The following PCDH7 variants were observed in gnomAD, a reference collection of about 807,000 sequenced individuals.
PCDH7 encodes the protein protocadherin 7.
A neutral mutation model predicts 58.9 loss-of-function variants in PCDH7; 17 were observed. The ratio of observed to expected loss-of-function variants is 0.29; its 90% confidence interval spans 0.20 to 0.43. PCDH7 has a LOEUF of 0.43. Among genes scored for constraint, PCDH7 ranks in the 20% least tolerant of loss-of-function variants. The pLI is 1.00. For missense variants in PCDH7, 1,274 were observed against 1,441.0 expected (o/e 0.88, Z 1.88); for synonymous variants, 664 against 616.4 (o/e 1.08, Z -1.14).
intron 1 of PCDH7, among the ~76,000 whole-genome samples, chr4:30,778,069 G>T (rs78177690): frequency 6.6e-6 from 1 of 151,840 alleles, no homozygotes; most frequent in Non-Finnish European, 1.5e-5. Context: ...TTTATTTCCA[G>T]TCCAAGATGC....
chr4:31,104,691 C>T (rs567222925), intron 3 of PCDH7, among the ~76,000 whole-genome samples: 1 of 152,206 alleles, frequency 6.6e-6, no homozygotes, highest in Admixed American at 6.5e-5. Flanking sequence ...CTAAGAGCGA[C>T]GTGGTCTACA....
intron 1 of PCDH7, among the ~76,000 whole-genome samples, chr4:30,912,992 T>C (rs1012353408): frequency 3.3e-5 from 5 of 151,420 alleles, no homozygotes; most frequent in African/African-American, 1.2e-4. Context: ...CCAGGATGGA[T>C]AAAAATAAAG....
intron 3 of PCDH7, among the ~76,000 whole-genome samples, chr4:31,137,129 T>C (rs1013465150): frequency 6.6e-6 from 1 of 152,232 alleles, no homozygotes; most frequent in African/African-American, 2.4e-5. Flanking sequence ...GTCCACCAAA[T>C]TTCACTAGCA....
chr4:30,783,490 G>C (rs1360439729), intron 1 of PCDH7, among the ~76,000 whole-genome samples: 1 of 151,816 alleles, frequency 6.6e-6, no homozygotes, highest in African/African-American at 2.4e-5. Flanking sequence ...ACAGATACTT[G>C]TACTTAATCT....
intron 3 of PCDH7, among the ~76,000 whole-genome samples, chr4:30,987,157 C>A (rs570835724): frequency 5.9e-5 from 9 of 152,052 alleles, no homozygotes; most frequent in African/African-American, 1.9e-4. Context: ...ACATATTATT[C>A]TTCTACACTA....
In PCDH7 at chr4:30,960,112, GGGAA is replaced by G. The variant is rs796354089; in HGVS notation, c.*7+9936_*7+9939del. On this transcript the variant is annotated intron_variant, in intron 3 of 3. Transcript: ENST00000509759. ...AAGGAAGGAAGGAAGAAAGGAAGGA[GGGAA>G]GGAAGGAAGGAAGGAAGGAAGGAAG... is the stretch of plus-strand genomic sequence containing the variant. 8.4e-3 allele frequency among the ~76,000 whole-genome samples: 553 copies of G among 65,780 alleles called. 7 individuals carry two copies. The highest frequency in any genetic ancestry group is 0.031 in the Middle Eastern group (4 of 128). The allele number at this position is 65,780 out of a possible 152,430, so 43.2% of individuals were successfully genotyped here.
chr4:30,896,530 A>G (rs1371761567), intron 1 of PCDH7, among the ~76,000 whole-genome samples: 7 of 152,154 alleles, frequency 4.6e-5, no homozygotes, highest in Non-Finnish European at 8.8e-5. Flanking sequence ...AGAACAAGAA[A>G]TGATTTATAA....
intron 1 of PCDH7, among the ~76,000 whole-genome samples, chr4:30,913,343 AAAAT>A (rs1742021086): frequency 6.6e-6 from 1 of 152,120 alleles, no homozygotes; most frequent in Non-Finnish European, 1.5e-5. Context: ...AACAAAATAA[AAAAT>A]AAAGAAGTTA....
intron 1 of PCDH7, among the ~76,000 whole-genome samples, chr4:30,807,413 C>G (rs559975211): frequency 6.6e-6 from 1 of 152,154 alleles, no homozygotes; most frequent in South Asian, 2.1e-4. Context: ...TTTTCTGGGA[C>G]TCTATTTGTT....
downstream of PCDH7, chr4:31,144,224 G>A (rs575435208): frequency 6.6e-6 from 1 of 152,274 alleles, no homozygotes; most frequent in African/African-American, 2.4e-5. Flanking sequence ...TGACACCCTA[G>A]TTGACTTTAT....
At chr4:31,091,423 C>A (rs1043614008) in intron 3 of PCDH7, among the ~76,000 whole-genome samples, 1 of 151,610 alleles carries the variant, frequency 6.6e-6, no homozygotes, top group Non-Finnish European at 1.5e-5. Context: ...AGAAAATATA[C>A]TTTTTAATTT....
intron 3 of PCDH7, among the ~76,000 whole-genome samples, chr4:31,133,644 A>T (rs957290764): frequency 6.6e-6 from 1 of 152,126 alleles, no homozygotes; most frequent in African/African-American, 2.4e-5. Flanking sequence ...TAAAGAGGAG[A>T]ACCAAAGTGA....
chr4:30,789,501 C>T (rs1363015570), intron 1 of PCDH7, among the ~76,000 whole-genome samples: 1 of 152,182 alleles, frequency 6.6e-6, no homozygotes, highest in Non-Finnish European at 1.5e-5. Context: ...TTGCAAAGTG[C>T]CTCACACAGA....
intron 3 of PCDH7, among the ~76,000 whole-genome samples, chr4:31,005,095 G>T (rs773147779): frequency 1.3e-5 from 2 of 152,210 alleles, no homozygotes; most frequent in Non-Finnish European, 2.9e-5. Flanking sequence ...TTAAGCGTAT[G>T]TGGCCTCCAG....
chr4:30,744,505 G>T (rs1717518605), intron 1 of PCDH7, among the ~76,000 whole-genome samples: 1 of 152,272 alleles, frequency 6.6e-6, no homozygotes, highest in African/African-American at 2.4e-5. Context: ...TACACTAGTA[G>T]TATGAAGCAG....
At chr4:30,801,943 C>T (rs1725576005) in intron 1 of PCDH7, among the ~76,000 whole-genome samples, 1 of 152,126 alleles carries the variant, frequency 6.6e-6, no homozygotes, top group Non-Finnish European at 1.5e-5. Flanking sequence ...ACTAGCCAAC[C>T]TTTTGGTTAG....
intron 1 of PCDH7, among the ~76,000 whole-genome samples, chr4:30,824,469 A>T (rs2109324706): frequency 6.6e-6 from 1 of 152,222 alleles, no homozygotes; most frequent in East Asian, 1.9e-4. Flanking sequence ...TGGATGGTAT[A>T]CGTTAACTTT....
Position 30,838,394 on chromosome 4 carries a change from T to G in PCDH7, c.71-81759T>G, listed in dbSNP as rs201732214. On this transcript the variant is annotated intron_variant, in intron 1 of 3. Transcript: ENST00000509759. Reference sequence around the variant, plus strand: ...TTGGGAGATGTACTTAAATTAGGCCTTTTCTTGACACCTTAGCATTCAGAA... The same window carrying G: ...TTGGGAGATGTACTTAAATTAGGCCGTTTCTTGACACCTTAGCATTCAGAA... Among the ~76,000 whole-genome samples, 5 of 152,262 alleles carry G rather than the reference T, an allele frequency of 3.3e-5. No individual in the cohort carries two copies. The East Asian group carries it at 9.7e-4, about 29-fold the overall frequency.
chr4:30,771,416 C>CA (rs1245407974), intron 1 of PCDH7, among the ~76,000 whole-genome samples: 1 of 152,068 alleles, frequency 6.6e-6, no homozygotes, highest in Non-Finnish European at 1.5e-5. Flanking sequence ...TCAGAAAAGC[C>CA]ATAATTTGAT....
Sources: gnomAD v4.1 joint callset for allele counts (sites outside exome capture counted in the v4.1 genomes callset) on GRCh38, gnomAD v4.1.1 for gene constraint, MANE v1.5 for transcripts, NCBI Gene and HGNC (gene_info 2026-07-23, HGNC 2026-07-21) for gene names.